The following RIMS1 variants were observed in gnomAD, a reference collection of about 807,000 sequenced individuals.
RIMS1 encodes regulating synaptic membrane exocytosis protein 1.
RIMS1 carries 83 observed loss-of-function variants against 214.1 expected under a neutral mutation model. The observed-to-expected ratio is 0.39, with a 90% confidence interval of 0.32 to 0.47. The LOEUF (loss-of-function observed/expected upper bound fraction) is 0.47, where lower values mean the gene tolerates loss of function less well. Ranked by LOEUF, RIMS1 falls within the 20% of genes least tolerant of loss-of-function variation. The pLI, the probability that RIMS1 is intolerant of heterozygous loss-of-function variation, is 0.99. For missense variants in RIMS1, 2,050 were observed against 2,161.8 expected (o/e 0.95, Z 1.03); for synonymous variants, 793 against 786.8 (o/e 1.01, Z -0.13).
At chr6:71,935,130 T>G (rs1784092915) in intron 1 of RIMS1, among the ~76,000 whole-genome samples, 1 of 152,196 alleles carries the variant, frequency 6.6e-6, no homozygotes, top group South Asian at 2.1e-4. Flanking sequence ...GGAGCTTTCC[T>G]TGCAGTTCTG....
In RIMS1 at chr6:72,097,081, T is replaced by C; in HGVS notation, c.378T>C (p.Asp126=). ...CGICHKTKFA[D]GCGHLCSYCR... ...TCTGTCATAAAACAAAGTTTGCTGA[T>C]GGGTGCGGTCATCTCTGCTCCTATT... Residue 126 remains aspartate (D), a synonymous_variant, in exon 3 of 34, where the codon GAT becomes GAC. Coordinates refer to ENST00000521978, the MANE Select transcript of RIMS1 (RefSeq NM_014989.7). 1.9e-6 allele frequency: 3 copies of C among 1,613,994 alleles called. No individual in the cohort carries two copies. The highest frequency in any genetic ancestry group is 2.5e-6 in the Non-Finnish European group (3 of 1,179,880).
chr6:72,248,093 A>G lies in RIMS1; in HGVS notation c.2207A>G (p.Lys736Arg). ...TCTCCAACAAGTCCTGGAGCTCTAA[A>G]AGATGCCCCACAAGTCTTACCAGGG... ...VISPTSPGAL[K>R]DAPQVLPGQL... Residue 736 changes from lysine (K) to arginine (R), a missense_variant, in exon 12 of 34, where the codon AAA (lysine) becomes AGA (arginine). Transcript: ENST00000521978. 6.2e-7 allele frequency: 1 copy of G among 1,612,962 alleles called. No homozygotes were observed. Among genetic ancestry groups the G allele is most frequent in the Non-Finnish European group, 8.5e-7 (1 of 1,179,286 alleles).
At chr6:72,013,219 C>T (rs1369063780) in intron 2 of RIMS1, among the ~76,000 whole-genome samples, 2 of 152,094 alleles carry the variant, frequency 1.3e-5, no homozygotes, top group African/African-American at 2.4e-5. Context: ...ATTGCCTACG[C>T]CTGTCTGGAG....
chr6:72,009,822 A>T (rs1373377729), intron 2 of RIMS1, among the ~76,000 whole-genome samples: 1 of 152,210 alleles, frequency 6.6e-6, no homozygotes, highest in East Asian at 1.9e-4. Flanking sequence ...TCTGAAATTG[A>T]GGCAATAATT....
chr6:72,302,457 A>G (rs979360735), intron 26 of RIMS1, among the ~76,000 whole-genome samples: 1 of 151,642 alleles, frequency 6.6e-6, no homozygotes, highest in Non-Finnish European at 1.5e-5. Context: ...TACTGATTCA[A>G]TTAGCTAAAC....
chr6:72,243,932 T>A (rs2068154346), intron 10 of RIMS1, among the ~76,000 whole-genome samples: 1 of 150,882 alleles, frequency 6.6e-6, no homozygotes, highest in Non-Finnish European at 1.5e-5. Context: ...TTCTAGTGAA[T>A]ACATTATTGG....
chr6:72,130,461 T>C (rs1182376713), intron 4 of RIMS1, among the ~76,000 whole-genome samples: 2 of 152,150 alleles, frequency 1.3e-5, no homozygotes, highest in African/African-American at 4.8e-5. Context: ...CTTCTGTTTT[T>C]AAAGTATAAT....
chr6:72,297,989 CA>C (rs1325437027), intron 26 of RIMS1, among the ~76,000 whole-genome samples: 13 of 152,044 alleles, frequency 8.6e-5, no homozygotes, highest in African/African-American at 2.9e-4. Context: ...GACCAGTACA[CA>C]AGCCAAGGGG....
At chr6:71,906,262 C>A (rs1775212933) in intron 1 of RIMS1, among the ~76,000 whole-genome samples, 1 of 152,128 alleles carries the variant, frequency 6.6e-6, no homozygotes, top group South Asian at 2.1e-4. Flanking sequence ...TCACTTCTTT[C>A]TCACTTATAA....
intron 1 of RIMS1, among the ~76,000 whole-genome samples, chr6:71,928,851 G>A (rs1344938650): frequency 1.3e-5 from 2 of 152,104 alleles, no homozygotes; most frequent in Non-Finnish European, 2.9e-5. Flanking sequence ...GAAAATCATT[G>A]ACACAGAATA....
At chr6:72,149,141 A>G (rs762429859) in intron 4 of RIMS1, among the ~76,000 whole-genome samples, 3 of 151,592 alleles carry the variant, frequency 2.0e-5, no homozygotes, top group Non-Finnish European at 4.4e-5. Context: ...TCAACAGGGG[A>G]AAAAAAAACT....
At chr6:71,978,836 G>A (rs1287242101) in intron 2 of RIMS1, among the ~76,000 whole-genome samples, 1 of 151,970 alleles carries the variant, frequency 6.6e-6, no homozygotes, top group Non-Finnish European at 1.5e-5. Flanking sequence ...TAGAAAAAAT[G>A]TCCAACTAGG....
At chr6:71,899,901 T>G (rs920400357) in intron 1 of RIMS1, among the ~76,000 whole-genome samples, 1 of 152,148 alleles carries the variant, frequency 6.6e-6, no homozygotes, top group African/African-American at 2.4e-5. Flanking sequence ...CATTCATTTG[T>G]TCTTGAAGCA....
At chr6:72,076,544 G>A (rs545984280) in intron 2 of RIMS1, among the ~76,000 whole-genome samples, 1 of 152,278 alleles carries the variant, frequency 6.6e-6, no homozygotes, top group African/African-American at 2.4e-5. Flanking sequence ...CCACTGAGGG[G>A]TAGGGTTTTA....
At chr6:72,249,904 GT>G (rs1037145648) in intron 12 of RIMS1, among the ~76,000 whole-genome samples, 1 of 151,588 alleles carries the variant, frequency 6.6e-6, no homozygotes, top group Non-Finnish European at 1.5e-5. Context: ...CCAAACTCTT[GT>G]TTTTTTTAAT....
chr6:71,923,805 C>A (rs927125841), intron 1 of RIMS1, among the ~76,000 whole-genome samples: 1 of 152,058 alleles, frequency 6.6e-6, no homozygotes, highest in Non-Finnish European at 1.5e-5. Context: ...CTCAGGTGAT[C>A]CACCCACCTC....
rs1206069970 is a variant in RIMS1, at chr6:72,179,843, C to T, written c.740C>T (p.Pro247Leu). The T allele has an allele frequency of 6.2e-7, 1 of 1,609,682 alleles. No homozygotes were observed. Among genetic ancestry groups the T allele is most frequent in the South Asian group, 1.1e-5 (1 of 90,620 alleles). Residue 247 changes from proline (P) to leucine (L), a missense_variant, in exon 5 of 34, where the codon CCC becomes CTC. Physicochemically the swap from Pro to Leu is moderately conservative, Grantham distance 98. Coordinates refer to ENST00000521978, the MANE Select transcript of RIMS1 (RefSeq NM_014989.7). ...APPDRSKGAE[P>L]SQQALGPEQK... ...CCAGACAGGAGCAAAGGGGCTGAGC[C>T]CTCGCAGCAAGCCTTGGGGCCTGAA...
At chr6:71,950,992 T>C (rs183578704) in intron 1 of RIMS1, among the ~76,000 whole-genome samples, 69 of 152,338 alleles carry the variant, frequency 4.5e-4, no homozygotes, top group African/African-American at 1.6e-3. Flanking sequence ...AGAAGACATA[T>C]ACTGTTAAAT....
intron 2 of RIMS1, among the ~76,000 whole-genome samples, chr6:72,042,392 A>C (rs1446470134): frequency 2.0e-5 from 3 of 151,916 alleles, no homozygotes; most frequent in African/African-American, 7.2e-5. Flanking sequence ...AGATTTTTTA[A>C]GATACTGGAT....
Sources: gnomAD v4.1 joint callset for allele counts (sites outside exome capture counted in the v4.1 genomes callset) on GRCh38, gnomAD v4.1.1 for gene constraint, MANE v1.5 for transcripts, NCBI Gene and HGNC (gene_info 2026-07-23, HGNC 2026-07-21) for gene names.